The following SPRING1 variants were observed in gnomAD, a reference collection of about 807,000 sequenced individuals.
The protein encoded by SPRING1 is SREBF pathway regulator in golgi 1.
Under a neutral mutation model 24.7 loss-of-function variants are expected in SPRING1, and 14 were observed. The observed-to-expected ratio is 0.57, with a 90% CI of 0.37 to 0.88. The LOEUF (loss-of-function observed/expected upper bound fraction) is 0.88, where lower values mean the gene tolerates loss of function less well. SPRING1 is among the 40% of genes least tolerant of loss of function. SPRING1 has a pLI of 0.00. For synonymous variants in SPRING1, 93 were observed against 106.1 expected (o/e 0.88, Z 0.76); for missense variants, 255 against 268.4 (o/e 0.95, Z 0.35).
chr12:116,727,426 T>C (rs1870755142), intron 1 of SPRING1, among the ~76,000 whole-genome samples: 1 of 152,244 alleles, frequency 6.6e-6, no homozygotes, highest in Non-Finnish European at 1.5e-5. Context: ...TGATTACTAA[T>C]GCGTTGCTTT....
chr12:116,720,725 T>C lies in SPRING1; in HGVS notation c.269-278A>G, dbSNP rs551371883. Among the ~76,000 whole-genome samples, 4 of 152,276 alleles carry C rather than the reference T, an allele frequency of 2.6e-5. No individual in the cohort carries two copies. ...GTCGGCTGGCACATGTCTGATTTCA[T>C]CATCAGGTCAAGCTACGGCTACGTT... On this transcript the variant is annotated intron_variant, in intron 2 of 4. Coordinates refer to ENST00000261318, the MANE Select transcript of SPRING1 (RefSeq NM_024738.4). The surrounding 1 kb of genome is among the most constrained non-coding windows in gnomAD (Gnocchi z 4.0).
At chr12:116,734,989 A>G (rs1473334219) in intron 1 of SPRING1, among the ~76,000 whole-genome samples, 1 of 152,218 alleles carries the variant, frequency 6.6e-6, no homozygotes, top group Non-Finnish European at 1.5e-5. Context: ...AGAGACTTGC[A>G]GCTGGGCTAC....
At position 116,737,832 on chromosome 12, in the gene SPRING1, G is replaced by C; in HGVS notation, c.69C>G (p.Phe23Leu). 6.3e-7 allele frequency: 1 copy of C among 1,595,792 alleles called. No homozygotes were observed. Among genetic ancestry groups the C allele is most frequent in the South Asian group, 1.1e-5 (1 of 90,506 alleles). ...LRKRWVLALVFGLSLVYFLSS... is the reference protein window; with the variant it reads ...LRKRWVLALVLGLSLVYFLSS... ...TGAGGAAGTAGACGAGCGACAGCCC[G>C]AAGACCAGGGCGAGCACCCACCTCT... The change falls in exon 1 of 5, where the codon TTC becomes TTG. Residue 23 changes from phenylalanine (F) to leucine (L), a missense_variant. Physicochemically the swap from Phe to Leu is conservative, Grantham distance 22. Transcript: ENST00000261318.
At chr12:116,722,917 G>A in intron 2 of SPRING1, 150 bp downstream of exon 2, 5 of 947,216 alleles carry the variant, frequency 5.3e-6, no homozygotes, top group Non-Finnish European at 7.7e-6. Context: ...TGATGAGTAG[G>A]GTATAGAAGA....
rs1206459600 is a variant in SPRING1, at chr12:116,723,194, G to T, written c.141C>A (p.Leu47=). 2.5e-6 allele frequency: 4 copies of T among 1,614,104 alleles called. No individual in the cohort carries two copies. In the East Asian group the frequency reaches 6.7e-5, roughly 27 times the overall value. Residue 47 remains leucine, a synonymous_variant, in exon 2 of 5, where the codon CTC becomes CTA. Coordinates refer to ENST00000261318, the MANE Select transcript of SPRING1 (RefSeq NM_024738.4). ...QEERAVRDRN[L]LQVHDHNQPI... Reference sequence around the variant, plus strand: ...GCTGATTATGGTCATGAACCTGGAGGAGATTCCTATCTCTCACTGCCCTCT... The same window carrying T: ...GCTGATTATGGTCATGAACCTGGAGTAGATTCCTATCTCTCACTGCCCTCT...
chr12:116,721,323 C>T (rs1025066827), intron 2 of SPRING1, among the ~76,000 whole-genome samples: 15 of 152,188 alleles, frequency 9.9e-5, no homozygotes, highest in African/African-American at 3.4e-4. Context: ...CCCAGGTGCA[C>T]GTTCAGGCCC....
Position 116,714,871 on chromosome 12 carries a change from T to G in SPRING1, c.*2939A>C, listed in dbSNP as rs918937311. 5 of 151,890 alleles carry G rather than the reference T, an allele frequency of 3.3e-5. No homozygotes were observed. Among genetic ancestry groups the G allele is most frequent in the African/African-American group, 1.2e-4 (5 of 41,318 alleles). 9.4% of individuals were successfully genotyped at this position (151,890 alleles called of 1,614,324 possible). A position where few individuals can be genotyped will look rare whatever the true frequency, so the allele number is the denominator to read the frequency against. ...GTGGAAGGTATTTCCCTCCCTCTTTTGTCCTTGCTTGTCTCAGAGCCCTTT... is the reference window on the plus strand; with the variant it reads ...GTGGAAGGTATTTCCCTCCCTCTTTGGTCCTTGCTTGTCTCAGAGCCCTTT... On this transcript the variant is annotated 3_prime_UTR_variant, in exon 5 of 5. Transcript: ENST00000261318.
At chr12:116,718,584 T>TG (rs898393951) in intron 4 of SPRING1, among the ~76,000 whole-genome samples, 1 of 152,266 alleles carries the variant, frequency 6.6e-6, no homozygotes, top group Admixed American at 6.5e-5. Context: ...TTCTCTTTCT[T>TG]GGGATACTTT....
At position 116,720,923 on chromosome 12, in the gene SPRING1, G is replaced by T. The variant is rs1423631335; in HGVS notation, c.269-476C>A. On this transcript the variant is annotated intron_variant, in intron 2 of 4. Coordinates refer to ENST00000261318, the MANE Select transcript of SPRING1 (RefSeq NM_024738.4). This position sits in a 1 kb window ranked among gnomAD's most constrained non-coding sequence, Gnocchi z 4.0. The stretch of plus-strand genomic sequence containing the variant: ...CTTTACAAATATCTTTCAGATGCTC[G>T]CTGCATACTGACTAATTTGGAGATT... Among the ~76,000 whole-genome samples, 1 of 152,114 alleles carries T rather than the reference G, an allele frequency of 6.6e-6. No homozygotes were observed. The highest frequency in any genetic ancestry group is 2.4e-5 in the African/African-American group (1 of 41,422).
In SPRING1 at chr12:116,723,043, G is replaced by A. The variant is rs144661551; in HGVS notation, c.268+24C>T. 1,318 of 1,612,156 alleles carry A rather than the reference G, an allele frequency of 8.2e-4. 2 individuals carry two copies. The highest frequency in any genetic ancestry group is 9.6e-4 in the Non-Finnish European group (1,138 of 1,179,954). On this transcript the variant is annotated intron_variant, in intron 2 of 4. Coordinates refer to ENST00000261318, the MANE Select transcript of SPRING1 (RefSeq NM_024738.4). ...ACCAGCCTACGCTCCTGACCGCCTGGAGAGGAAGGGAAGCCAGCCTCACCG... is the reference window on the plus strand; with the variant it reads ...ACCAGCCTACGCTCCTGACCGCCTGAAGAGGAAGGGAAGCCAGCCTCACCG...
Position 116,717,889 on chromosome 12 carries a change from A to C in SPRING1, c.539T>G (p.Val180Gly), listed in dbSNP as rs755526029. The change falls in exon 5 of 5, where the codon GTG becomes GGG. Residue 180 changes from valine (V) to glycine (G), a missense_variant. By Grantham distance (109) the Val-to-Gly change is moderately radical. Coordinates refer to ENST00000261318, the MANE Select transcript of SPRING1 (RefSeq NM_024738.4). The surrounding 1 kb of genome is among the most constrained non-coding windows in gnomAD (Gnocchi z 4.2). ...GTCCCGGTAGGTGTTCTCATGCTGC[A>C]CGCTCTGTTGGCAAAAGGAAAATAA... ...LAKCRTSSQS[V>G]QHENTYRDPI... 1.9e-6 allele frequency: 3 copies of C among 1,602,176 alleles called. No homozygotes were observed. Among genetic ancestry groups the C allele is most frequent in the Non-Finnish European group, 8.5e-7 (1 of 1,172,710 alleles).
In SPRING1 at chr12:116,714,673, T is replaced by C. The variant is rs868018033; in HGVS notation, c.*3137A>G. ...AGCTGGGTGTGGTGGTGTACGCCTG[T>C]GATCCCAGCTACTCAGGAGGCTGAG... On this transcript the variant is annotated 3_prime_UTR_variant, in exon 5 of 5. Coordinates refer to ENST00000261318, the MANE Select transcript of SPRING1 (RefSeq NM_024738.4). 1.5e-4 allele frequency: 23 copies of C among 152,298 alleles called. No homozygotes were observed. Among genetic ancestry groups the C allele is most frequent in the Middle Eastern group, 3.4e-3 (1 of 298 alleles). 9.4% of individuals were successfully genotyped at this position (152,298 alleles called of 1,614,324 possible). A position where few individuals can be genotyped will look rare whatever the true frequency, so the allele number is the denominator to read the frequency against.
Position 116,719,868 on chromosome 12 carries a change from G to T in SPRING1, c.429C>A (p.Leu143=). 1.9e-6 allele frequency: 3 copies of T among 1,614,102 alleles called. No individual in the cohort carries two copies. The highest frequency in any genetic ancestry group is 2.5e-6 in the Non-Finnish European group (3 of 1,179,962). The change falls in exon 4 of 5, where the codon CTC becomes CTA. Residue 143 remains leucine, a synonymous_variant. Transcript: ENST00000261318. ...SCCLQPNKQL[L]LERFLNRAAV... ...CTGCCCGGTTGAGGAAGCGCTCCAG[G>T]AGAAGTTGCTATGGAAACAAAAGTT...
Position 116,710,281 on chromosome 12 carries a change from G to A in SPRING1, c.*7529C>T, listed in dbSNP as rs970483836. ...AAACGCTCCAGCGGAACTTTAATTA[G>A]TGGTTATCTCTAGGGGCTGGGAATC... On this transcript the variant is annotated 3_prime_UTR_variant, in exon 5 of 5. Coordinates refer to ENST00000261318, the MANE Select transcript of SPRING1 (RefSeq NM_024738.4). 1.3e-5 allele frequency: 2 copies of A among 152,224 alleles called. No homozygotes were observed. Among genetic ancestry groups the A allele is most frequent in the African/African-American group, 4.8e-5 (2 of 41,462 alleles). The allele number at this position is 152,224 out of a possible 1,614,324, so 9.4% of individuals were successfully genotyped here.
At position 116,728,212 on chromosome 12, in the gene SPRING1, G is replaced by C. The variant is rs570902339; in HGVS notation, c.112-4989C>G. 1.3e-5 allele frequency among the ~76,000 whole-genome samples: 2 copies of C among 152,254 alleles called. 1 individual carries two copies. Among genetic ancestry groups the C allele is most frequent in the South Asian group, 4.1e-4 (2 of 4,826 alleles). ...CATAGTTAGGCCCGCCCTGCCACTA[G>C]ATCATGTCATCCTGTTTTGTTTTCT... On this transcript the variant is annotated intron_variant, in intron 1 of 4. Transcript: ENST00000261318. This position sits in a 1 kb window ranked among gnomAD's most constrained non-coding sequence, Gnocchi z 4.2.
intron 1 of SPRING1, among the ~76,000 whole-genome samples, chr12:116,733,759 C>G (rs899806257): frequency 6.6e-6 from 1 of 152,192 alleles, no homozygotes; most frequent in Non-Finnish European, 1.5e-5. Flanking sequence ...GACAGTAGTA[C>G]ACAGTAATGT....
At position 116,714,688 on chromosome 12, in the gene SPRING1, A is replaced by T. The variant is rs1389294040; in HGVS notation, c.*3122T>A. On this transcript the variant is annotated 3_prime_UTR_variant, in exon 5 of 5. Coordinates refer to ENST00000261318, the MANE Select transcript of SPRING1 (RefSeq NM_024738.4). Reference sequence around the variant, plus strand: ...TGTACGCCTGTGATCCCAGCTACTCAGGAGGCTGAGGCAGGAGAATTGCTT... The same window carrying T: ...TGTACGCCTGTGATCCCAGCTACTCTGGAGGCTGAGGCAGGAGAATTGCTT... 6.6e-6 allele frequency: 1 copy of T among 151,016 alleles called. No individual in the cohort carries two copies. The highest frequency in any genetic ancestry group is 1.5e-5 in the Non-Finnish European group (1 of 68,182). The allele number at this position is 151,016 out of a possible 1,614,324, so 9.4% of individuals were successfully genotyped here. A position where few individuals can be genotyped will look rare whatever the true frequency, so the allele number is the denominator to read the frequency against.
In SPRING1 at chr12:116,728,714, G is replaced by T. The variant is rs1420006158; in HGVS notation, c.112-5491C>A. On this transcript the variant is annotated intron_variant, in intron 1 of 4. Transcript: ENST00000261318. The surrounding 1 kb of genome is among the most constrained non-coding windows in gnomAD (Gnocchi z 4.2). ...TTCTCCATCAACGGTACACACCCTG[G>T]ACCCGTACACTCCATCTCACCATCT... Among the ~76,000 whole-genome samples, 1 of 152,150 alleles carries T rather than the reference G, an allele frequency of 6.6e-6. No individual in the cohort carries two copies. The highest frequency in any genetic ancestry group is 1.5e-5 in the Non-Finnish European group (1 of 68,026).
chr12:116,717,972 G>C lies in SPRING1; in HGVS notation c.535-79C>G, dbSNP rs1465571026. On this transcript the variant is annotated intron_variant, in intron 4 of 4. Transcript: ENST00000261318. The surrounding 1 kb of genome is among the most constrained non-coding windows in gnomAD (Gnocchi z 4.2). Reference sequence around the variant, plus strand: ...CCTCCCTCTCGGAAGAGTGAGAGTGGATCGGGACTGTCAGACTCTCCCTGC... The same window carrying C: ...CCTCCCTCTCGGAAGAGTGAGAGTGCATCGGGACTGTCAGACTCTCCCTGC... 22 of 1,213,660 alleles carry C rather than the reference G, an allele frequency of 1.8e-5. No individual in the cohort carries two copies. Among genetic ancestry groups the C allele is most frequent in the Middle Eastern group, 2.2e-4 (1 of 4,580 alleles). The allele number at this position is 1,213,660 out of a possible 1,614,324, so 75.2% of individuals were successfully genotyped here.
Sources: gnomAD v4.1 joint callset for allele counts (sites outside exome capture counted in the v4.1 genomes callset) on GRCh38, gnomAD v4.1.1 for gene constraint, Gnocchi (gnomAD v3.1) non-coding constraint, MANE v1.5 for transcripts, NCBI Gene and HGNC (gene_info 2026-07-23, HGNC 2026-07-21) for gene names.